The following SPTBN1 variants were observed in gnomAD, a reference collection of about 807,000 sequenced individuals.
SPTBN1 encodes spectrin beta, non-erythrocytic 1, also known as spectrin beta chain, non-erythrocytic 1.
Under a neutral mutation model 266.4 loss-of-function variants are expected in SPTBN1, and 32 were observed. The ratio of observed to expected loss-of-function variants is 0.12; its 90% confidence interval spans 0.09 to 0.16. SPTBN1 has a LOEUF of 0.16. Among genes scored for constraint, SPTBN1 ranks in the 10% least tolerant of loss-of-function variants. The pLI is 1.00. For missense variants in SPTBN1, 2,296 were observed against 3,067.1 expected (o/e 0.75, Z 5.94); for synonymous variants, 1,336 against 1,162.2 (o/e 1.15, Z -3.04).
rs1676596947 is a variant in SPTBN1 at position 54,602,972 on chromosome 2, G to T, written c.300+3729G>T. On this transcript the variant is annotated intron_variant, in intron 3 of 35. Coordinates refer to ENST00000356805, the MANE Select transcript of SPTBN1 (RefSeq NM_003128.3). ...TCTTAAAAACGTCATTTGTATGGGA[G>T]AATTTACTTTTGTTTTAAACAACCA... Among the ~76,000 whole-genome samples the T allele has an allele frequency of 5.3e-5, 8 of 152,216 alleles. No individual in the cohort carries two copies. In the South Asian group the frequency reaches 1.7e-3, roughly 32 times the overall value.
intron 1 of SPTBN1, among the ~76,000 whole-genome samples, chr2:54,525,841 C>T (rs1392483784): frequency 6.6e-6 from 1 of 152,198 alleles, no homozygotes; most frequent in African/African-American, 2.4e-5. Flanking sequence ...AGCAATTCTC[C>T]CTGCCTCAGC....
chr2:54,512,476 G>T (rs964967488), intron 1 of SPTBN1, among the ~76,000 whole-genome samples: 1 of 152,108 alleles, frequency 6.6e-6, no homozygotes, highest in African/African-American at 2.4e-5. Flanking sequence ...GGAAATCTGG[G>T]TTGCCATGAC....
chr2:54,512,359 A>G (rs539890308), intron 1 of SPTBN1, among the ~76,000 whole-genome samples: 5 of 152,320 alleles, frequency 3.3e-5, no homozygotes, highest in Non-Finnish European at 7.4e-5. Flanking sequence ...TCTGGGAAAC[A>G]TTTACCAAGC....
At chr2:54,498,868 TAA>T (rs1478859043) in intron 1 of SPTBN1, among the ~76,000 whole-genome samples, 3 of 152,188 alleles carry the variant, frequency 2.0e-5, no homozygotes, top group Non-Finnish European at 4.4e-5. Flanking sequence ...TTCATCCTAA[TAA>T]AAGGGTAACG....
rs1673055987 is a variant in SPTBN1 at position 54,558,723 on chromosome 2, G to C, written c.148+32157G>C. 6 of 1,582,124 alleles carry C rather than the reference G, an allele frequency of 3.8e-6. No individual in the cohort carries two copies. The highest frequency in any genetic ancestry group is 5.2e-6 in the Non-Finnish European group (6 of 1,159,890). On this transcript the variant is annotated intron_variant, in intron 2 of 35. Transcript: ENST00000356805. The surrounding 1 kb of genome is among the most constrained non-coding windows in gnomAD (Gnocchi z 4.6). ...TGCTGCGTGTTGGATGGGAGTGGGA[G>C]GGGGCTGGAGCGAGATTTCCAGGGC...
At chr2:54,490,271 C>T (rs1306533946) in intron 1 of SPTBN1, among the ~76,000 whole-genome samples, 1 of 152,012 alleles carries the variant, frequency 6.6e-6, no homozygotes, top group Non-Finnish European at 1.5e-5. Context: ...AGGGTTTCAC[C>T]ATGTTGGCCA....
chr2:54,490,451 A>C (rs1396536299), intron 1 of SPTBN1, among the ~76,000 whole-genome samples: 5 of 152,176 alleles, frequency 3.3e-5, no homozygotes, highest in Non-Finnish European at 5.9e-5. Flanking sequence ...TTTAATTCAG[A>C]TGGGGTCCAC....
In SPTBN1 at chr2:54,637,753, A is replaced by G; in HGVS notation, c.3808A>G (p.Arg1270Gly). ...TGAGACAGCCAGTGAACTTTTGATG[A>G]GGTTGAAGGACAACAGGGATCTACA... ...NRETASELLMRLKDNRDLQKF... is the reference protein window; with the variant it reads ...NRETASELLMGLKDNRDLQKF... The change falls in exon 18 of 36, where the codon AGG becomes GGG. Residue 1270 changes from arginine (R) to glycine (G), a missense_variant. This residue lies in a region of SPTBN1 where 386 missense variants were observed against 486.1 expected (regional missense o/e 0.79). Coordinates refer to ENST00000356805, the MANE Select transcript of SPTBN1 (RefSeq NM_003128.3). 5 of 1,613,872 alleles carry G rather than the reference A, an allele frequency of 3.1e-6. No homozygotes were observed. The highest frequency in any genetic ancestry group is 4.2e-6 in the Non-Finnish European group (5 of 1,179,844).
intron 2 of SPTBN1, among the ~76,000 whole-genome samples, chr2:54,569,350 C>A (rs1299878267): frequency 6.6e-6 from 1 of 152,060 alleles, no homozygotes; most frequent in Non-Finnish European, 1.5e-5. Context: ...TCTAGCTGTT[C>A]CTTCCTGTTA....
chr2:54,572,500 CAAATAGAGGCTGGGCTTCAG>C (rs1013706528), intron 2 of SPTBN1, among the ~76,000 whole-genome samples: 3 of 152,204 alleles, frequency 2.0e-5, no homozygotes, highest in African/African-American at 4.8e-5. Context: ...ACACTCTGAG[CAAATAGAGGCTGGGCTTCAG>C]AAACTTAGAT....
At chr2:54,457,761 C>T (rs1029924212) in intron 1 of SPTBN1, among the ~76,000 whole-genome samples, 9 of 152,246 alleles carry the variant, frequency 5.9e-5, no homozygotes, top group African/African-American at 1.9e-4. Flanking sequence ...CCTTGTCCTG[C>T]AGCTTCTGCT....
At chr2:54,632,857 G>A (rs912072930) in intron 17 of SPTBN1, 89 bp downstream of exon 17, 232 of 1,443,374 alleles carry the variant, frequency 1.6e-4, no homozygotes, top group Non-Finnish European at 2.0e-4. Flanking sequence ...GGGAGTTTAG[G>A]TATAAATTTC....
chr2:54,584,462 C>A (rs1365995146), intron 2 of SPTBN1, among the ~76,000 whole-genome samples: 2 of 152,198 alleles, frequency 1.3e-5, no homozygotes, highest in African/African-American at 2.4e-5. Context: ...TTTGATATCA[C>A]TACTTACCTT....
chr2:54,558,105 T>C lies in SPTBN1; in HGVS notation c.148+31539T>C. ...CGGAGACTTTTCCGTTACATGAGGC[T>C]CAACAAAAGATTGTAATTCCAGCAG... On this transcript the variant is annotated intron_variant, in intron 2 of 35. Coordinates refer to ENST00000356805, the MANE Select transcript of SPTBN1 (RefSeq NM_003128.3). This position sits in a 1 kb window ranked among gnomAD's most constrained non-coding sequence, Gnocchi z 4.6. The C allele has an allele frequency of 1.0e-6, 1 of 985,396 alleles. No individual in the cohort carries two copies. The highest frequency in any genetic ancestry group is 1.2e-6 in the Non-Finnish European group (1 of 829,906). The allele number at this position is 985,396 out of a possible 1,614,324, so 61.0% of individuals were successfully genotyped here.
In SPTBN1 at chr2:54,540,722, T is replaced by C. The variant is rs1671886031; in HGVS notation, c.148+14156T>C. ...GTCATCATTAGCCTGGAGTACATGT[T>C]AGCAGTTGAAGTTTGAGAATTTCAT... On this transcript the variant is annotated intron_variant, in intron 2 of 35. Transcript: ENST00000356805. The surrounding 1 kb of genome is among the most constrained non-coding windows in gnomAD (Gnocchi z 5.6). The C allele has an allele frequency of 6.6e-6, 1 of 152,204 alleles. No individual in the cohort carries two copies. Among genetic ancestry groups the C allele is most frequent in the African/African-American group, 2.4e-5 (1 of 41,440 alleles). 9.4% of individuals were successfully genotyped at this position (152,204 alleles called of 1,614,324 possible). A position where few individuals can be genotyped will look rare whatever the true frequency, so the allele number is the denominator to read the frequency against.
rs1012051973 is a variant in SPTBN1, at chr2:54,650,116, T to C, written c.5577+127T>C. On this transcript the variant is annotated intron_variant, in intron 26 of 35. Coordinates refer to ENST00000356805, the MANE Select transcript of SPTBN1 (RefSeq NM_003128.3). ...ATTGCCCCAATTAAGCACATACATG[T>C]ACCCACTTTGTAATAGTGCTCCATT... is the stretch of plus-strand genomic sequence containing the variant. The C allele has an allele frequency of 2.4e-5, 30 of 1,227,904 alleles. No homozygotes were observed. The South Asian group carries it at 2.9e-4, about 12-fold the overall frequency. 76.1% of individuals were successfully genotyped at this position (1,227,904 alleles called of 1,614,324 possible).
At chr2:54,613,123 T>C (rs1010799865) in intron 4 of SPTBN1, among the ~76,000 whole-genome samples, 1 of 152,190 alleles carries the variant, frequency 6.6e-6, no homozygotes, top group Non-Finnish European at 1.5e-5. Context: ...ACCACGAGCC[T>C]GATTATTGGT....
At chr2:54,539,118 C>T (rs1358654593) in intron 2 of SPTBN1, among the ~76,000 whole-genome samples, 1 of 152,134 alleles carries the variant, frequency 6.6e-6, no homozygotes, top group African/African-American at 2.4e-5. Flanking sequence ...TGGGTGTATC[C>T]ATAGTCTCCC....
At chr2:54,593,237 AT>A (rs1675805943) in intron 2 of SPTBN1, among the ~76,000 whole-genome samples, 2 of 151,762 alleles carry the variant, frequency 1.3e-5, no homozygotes, top group South Asian at 4.2e-4. Context: ...ACTCAGAACC[AT>A]TTCTGGTTCC....
Sources: gnomAD v4.1 joint callset for allele counts (sites outside exome capture counted in the v4.1 genomes callset) on GRCh38, gnomAD v4.1.1 for gene constraint, gnomAD v4.1.1 regional missense constraint, Gnocchi (gnomAD v3.1) non-coding constraint, MANE v1.5 for transcripts, NCBI Gene and HGNC (gene_info 2026-07-23, HGNC 2026-07-21) for gene names.